The following ENOX2 variants were observed in gnomAD, a reference collection of about 807,000 sequenced individuals.
The protein encoded by ENOX2 is APK1 antigen.
ENOX2 carries 36 observed loss-of-function variants against 45.0 expected under a neutral mutation model. The observed-to-expected ratio is 0.80, with a 90% CI of 0.61 to 1.06. The LOEUF (loss-of-function observed/expected upper bound fraction) is 1.06. Ranked by LOEUF, ENOX2 falls within the 50% of genes least tolerant of loss-of-function variation. The pLI is 0.00. For synonymous variants in ENOX2, 174 were observed against 152.3 expected, an observed-to-expected ratio of 1.14 and a Z score of -1.05; for missense variants, 423 against 462.5, an observed-to-expected ratio of 0.91 and a Z score of 0.78.
At chrX:130,637,171 A>T in intron 11 of ENOX2, 58 bp downstream of exon 11, 1 of 983,520 alleles carries the variant, frequency 1.0e-6, no homozygotes, top group Non-Finnish European at 1.5e-6. Context: ...GGACCCTTTT[A>T]TAGGTGAGAA....
chrX:130,823,087 C>T (rs1284780384), intron 2 of ENOX2, among the ~76,000 whole-genome samples: 1 of 111,879 alleles, frequency 8.9e-6, no homozygotes, highest in Non-Finnish European at 1.9e-5. Flanking sequence ...GACTTGGATG[C>T]TAACTGTCTT....
chrX:130,846,956 G>A (rs1482567011), intron 2 of ENOX2, among the ~76,000 whole-genome samples: 4 of 112,404 alleles, frequency 3.6e-5, no homozygotes, highest in Non-Finnish European at 5.6e-5. Flanking sequence ...CCACAAAAGT[G>A]AATGGGGAAA....
At chrX:130,626,587 T>C (rs761457628) in intron 14 of ENOX2, among the ~76,000 whole-genome samples, 1 of 112,280 alleles carries the variant, frequency 8.9e-6, no homozygotes, top group Non-Finnish European at 1.9e-5. Context: ...TTCAATTTAA[T>C]ACCATTGCAA....
intron 2 of ENOX2, among the ~76,000 whole-genome samples, chrX:130,857,479 AG>A (rs2078330448): frequency 8.9e-6 from 1 of 112,639 alleles, no homozygotes; most frequent in Non-Finnish European, 1.9e-5. Context: ...AAGGGCTGTG[AG>A]GAAAGTGAAA....
intron 3 of ENOX2, among the ~76,000 whole-genome samples, chrX:130,765,431 T>A (rs1202880808): frequency 9.0e-6 from 1 of 111,554 alleles, no homozygotes; most frequent in Non-Finnish European, 1.9e-5. Context: ...AAATTATATG[T>A]TTTAATTTTA....
intron 2 of ENOX2, among the ~76,000 whole-genome samples, chrX:130,806,615 CAT>C (rs748847275): frequency 3.7e-4 from 42 of 112,149 alleles, no homozygotes; most frequent in Non-Finnish European, 6.2e-4. Flanking sequence ...TTGTGCTAAT[CAT>C]TCAATCAGAT....
chrX:130,641,041 G>C (rs1270407174), intron 10 of ENOX2, among the ~76,000 whole-genome samples: 2 of 111,895 alleles, frequency 1.8e-5, no homozygotes, highest in Non-Finnish European at 3.8e-5. Flanking sequence ...GAAAGAAACA[G>C]AAGCAATATT....
chrX:130,857,275 T>C (rs1374406941), intron 2 of ENOX2, among the ~76,000 whole-genome samples: 3 of 112,632 alleles, frequency 2.7e-5, no homozygotes, highest in Non-Finnish European at 5.6e-5. Flanking sequence ...TTTATAGTGA[T>C]AGAAGTCAAA....
chrX:130,693,948 G>A (rs2037684519), intron 4 of ENOX2, among the ~76,000 whole-genome samples: 1 of 111,818 alleles, frequency 8.9e-6, no homozygotes. Flanking sequence ...GAGACTTAGA[G>A]CAAATGACAG....
chrX:130,719,443 T>C (rs1400230606), intron 3 of ENOX2, among the ~76,000 whole-genome samples: 3 of 104,350 alleles, frequency 2.9e-5, no homozygotes, highest in Non-Finnish European at 5.8e-5. Context: ...GACAGCCACA[T>C]GCCCATCTGC....
intron 9 of ENOX2, among the ~76,000 whole-genome samples, chrX:130,659,829 T>C (rs1347392267): frequency 1.8e-5 from 2 of 112,248 alleles, no homozygotes; most frequent in Non-Finnish European, 3.8e-5. Context: ...GGCAGGAATA[T>C]CTGAGAGCTA....
At chrX:130,808,998 T>A (rs1425908270) in intron 2 of ENOX2, among the ~76,000 whole-genome samples, 1 of 112,357 alleles carries the variant, frequency 8.9e-6, no homozygotes, top group African/African-American at 3.2e-5. Context: ...TAGTTATTTT[T>A]AATTACAAAG....
intron 10 of ENOX2, chrX:130,645,770 G>A (rs987887512): frequency 2.4e-6 from 2 of 823,992 alleles, no homozygotes; most frequent in African/African-American, 2.0e-5. Context: ...TGCGGAAGAG[G>A]TGGGTTCTCG....
chrX:130,750,504 C>T lies in ENOX2; in HGVS notation c.-39+33043G>A, dbSNP rs193102054. Among the ~76,000 whole-genome samples, 77 of 111,395 alleles carry T rather than the reference C, an allele frequency of 6.9e-4. 1 individual carries two copies. The highest frequency in any genetic ancestry group is 2.4e-3 in the African/African-American group (75 of 30,663). ...TCTATCTCTTTGTCTAGCTGACTAT[C>T]TTTCTCTATAATTTTTTTCTCTCAC... On this transcript the variant is annotated intron_variant, in intron 3 of 14. Coordinates refer to ENST00000394363, the MANE Select transcript of ENOX2 (RefSeq NM_006375.4).
chrX:130,737,986 T>C (rs2038900278), intron 3 of ENOX2, among the ~76,000 whole-genome samples: 1 of 111,892 alleles, frequency 8.9e-6, no homozygotes, highest in Admixed American at 9.5e-5. Context: ...AGACATGCTG[T>C]TAGTACTGGG....
At chrX:130,798,412 C>G (rs1160299336) in intron 2 of ENOX2, among the ~76,000 whole-genome samples, 1 of 112,359 alleles carries the variant, frequency 8.9e-6, no homozygotes, top group Non-Finnish European at 1.9e-5. Flanking sequence ...AAAGTTCAAA[C>G]CAGGTAACAC....
At chrX:130,696,600 T>C (rs2037768961) in intron 4 of ENOX2, among the ~76,000 whole-genome samples, 1 of 112,333 alleles carries the variant, frequency 8.9e-6, no homozygotes, top group African/African-American at 3.2e-5. Flanking sequence ...ATGACAAATT[T>C]ACTGCATTTT....
At chrX:130,837,251 C>T (rs149001110) in intron 2 of ENOX2, among the ~76,000 whole-genome samples, 2,266 of 111,653 alleles carry the variant, frequency 0.02, 24 homozygotes, top group Non-Finnish European at 0.03. Flanking sequence ...CTTGGAATGG[C>T]TTCTCTCCAT....
intron 2 of ENOX2, among the ~76,000 whole-genome samples, chrX:130,840,307 A>G (rs1477949573): frequency 9.1e-6 from 1 of 110,493 alleles, no homozygotes; most frequent in African/African-American, 3.3e-5. Context: ...GAGCTATAAC[A>G]CCATTATGCC....
Sources: allele counts gnomAD v4.1 joint callset (sites outside exome capture counted in the v4.1 genomes callset), GRCh38; gene constraint gnomAD v4.1.1; transcripts MANE v1.5; gene names NCBI Gene and HGNC (gene_info 2026-07-23, HGNC 2026-07-21).